Variants in SBNO2 observed in about 807,000 individuals in gnomAD.
The protein encoded by SBNO2 is protein strawberry notch homolog 2.
In SBNO2, 89 loss-of-function variants were observed where a neutral mutation model predicts 146.3. The ratio of observed to expected loss-of-function variants is 0.61; its 90% CI spans 0.51 to 0.73. The LOEUF (loss-of-function observed/expected upper bound fraction) is 0.73. SBNO2 is among the 30% of genes least tolerant of loss of function. SBNO2 has a pLI of 0.00. For synonymous variants in SBNO2, 1,147 were observed against 892.6 expected, an observed-to-expected ratio of 1.29 and a Z score of -5.08; for missense variants, 2,092 against 2,003.7, an observed-to-expected ratio of 1.04 and a Z score of -0.84.
rs569804662 is a variant in SBNO2, at chr19:1,139,687, C to T, written c.279+7622G>A. Among the ~76,000 whole-genome samples, 14 of 151,150 alleles carry T rather than the reference C, an allele frequency of 9.3e-5. 1 individual carries two copies. The highest frequency in any genetic ancestry group is 2.6e-4 in the Admixed American group (4 of 15,200). On this transcript the variant is annotated intron_variant, in intron 4 of 31. Transcript: ENST00000361757. ...GCGCACACCTGTAATCCCAGCTACT[C>T]GGGAGGCTGAGGCAGGAGAATCACT...
chr19:1,111,397 G>A lies in SBNO2; in HGVS notation c.2809+109C>T, dbSNP rs1206632651. On this transcript the variant is annotated intron_variant, in intron 24 of 31. Transcript: ENST00000361757. ...CCTCTCTGTCCGTGTGTGGGGAGGGGTCACTCAACACACAACCGGCCTACA... is the reference window on the plus strand; with the variant it reads ...CCTCTCTGTCCGTGTGTGGGGAGGGATCACTCAACACACAACCGGCCTACA... 3.9e-5 allele frequency: 31 copies of A among 798,002 alleles called. 1 individual carries two copies. Among genetic ancestry groups the A allele is most frequent in the Middle Eastern group, 3.4e-4 (1 of 2,976 alleles). The allele number at this position is 798,002 out of a possible 1,614,324, so 49.4% of individuals were successfully genotyped here. A position where few individuals can be genotyped will look rare whatever the true frequency, so the allele number is the denominator to read the frequency against.
Position 1,108,393 on chromosome 19 carries a change from T to G in SBNO2, c.3928A>C (p.Ile1310Leu), listed in dbSNP as rs1442159383. 2 of 1,284,236 alleles carry G rather than the reference T, an allele frequency of 1.6e-6. No homozygotes were observed. Among genetic ancestry groups the G allele is most frequent in the Non-Finnish European group, 2.0e-6 (2 of 1,009,810 alleles). The allele number at this position is 1,284,236 out of a possible 1,614,324, so 79.6% of individuals were successfully genotyped here. The change falls in exon 32 of 32, where the codon ATC becomes CTC. Residue 1310 changes from isoleucine (I) to leucine (L), a missense_variant. Physicochemically the swap from Ile to Leu is conservative, Grantham distance 5 (BLOSUM62 2). Coordinates refer to ENST00000361757, the MANE Select transcript of SBNO2 (RefSeq NM_014963.3). ...PAALAHQGCD[I>L]NFKEVLEDML... ...TCCTCCAGCACCTCCTTGAAGTTGA[T>G]GTCGCAGCCCTGGTGCGCGAGGGCC... is the stretch of plus-strand genomic sequence containing the variant.
Position 1,111,568 on chromosome 19 carries a change from T to C in SBNO2, c.2747A>G (p.Gln916Arg), listed in dbSNP as rs1568554092. The C allele has an allele frequency of 6.3e-6, 10 of 1,597,738 alleles. No individual in the cohort carries two copies. The highest frequency in any genetic ancestry group is 2.3e-5 in the South Asian group (2 of 88,040). Reference protein sequence around the residue: ...LHCVLTTILSQTENKVPVPQG... With the variant: ...LHCVLTTILSRTENKVPVPQG... Reference sequence around the variant, plus strand: ...GGGCACAGGCACTTTGTTCTCAGTCTGGCTCAGGATGGTGGTGAGGACACA... The same window carrying C: ...GGGCACAGGCACTTTGTTCTCAGTCCGGCTCAGGATGGTGGTGAGGACACA... Residue 916 changes from glutamine (Q) to arginine (R), a missense_variant, in exon 24 of 32, where the codon CAG becomes CGG. Transcript: ENST00000361757.
At chr19:1,132,660 C>A (rs1276307002) in intron 4 of SBNO2, among the ~76,000 whole-genome samples, 1 of 152,240 alleles carries the variant, frequency 6.6e-6, no homozygotes, top group Non-Finnish European at 1.5e-5. Context: ...GGCCCTGCTG[C>A]GCCCCCCTGG....
At chr19:1,122,605 C>A in intron 9 of SBNO2, 47 bp from the exon 10 acceptor site, 1 of 1,478,776 alleles carries the variant, frequency 6.8e-7, no homozygotes, top group South Asian at 1.2e-5. Flanking sequence ...CCCTCGCCCC[C>A]CGCTTCCGCC....
In SBNO2 at chr19:1,131,963, T is replaced by C. The variant is rs927238077; in HGVS notation, c.280-4198A>G. On this transcript the variant is annotated intron_variant, in intron 4 of 31. Transcript: ENST00000361757. ...GCGGGGTGGGGATTTTTTTAGATCC[T>C]GGCGGCCTCGGACTCTAGGATGAGA... 5.1e-6 allele frequency: 3 copies of C among 583,960 alleles called. No individual in the cohort carries two copies. In the Admixed American group the frequency reaches 1.2e-4, roughly 24 times the overall value. The allele number at this position is 583,960 out of a possible 1,614,324, so 36.2% of individuals were successfully genotyped here.
At chr19:1,122,338 C>T in intron 10 of SBNO2, 56 bp from the exon 11 acceptor site, 2 of 1,516,752 alleles carry the variant, frequency 1.3e-6, no homozygotes, top group Non-Finnish European at 1.8e-6. Flanking sequence ...GGCTCTGGAC[C>T]TGGGTCTCCC....
At chr19:1,155,227 G>C (rs1014868023) in intron 1 of SBNO2, 1 of 152,256 alleles carries the variant, frequency 6.6e-6, no homozygotes, top group Non-Finnish European at 1.5e-5. Context: ...AGAAATCTCC[G>C]GGACTTCCAG....
rs2080315025 is a variant in SBNO2 at position 1,158,661 on chromosome 19, T to C, written c.-126-4259A>G. ...GGGCGAGCGGGCGCGACCGTGGTGA[T>C]GGAGCCCGGCAGAGGCCACCGCACA... On this transcript the variant is annotated intron_variant, in intron 1 of 31. Coordinates refer to ENST00000361757, the MANE Select transcript of SBNO2 (RefSeq NM_014963.3). The surrounding 1 kb of genome is among the most constrained non-coding windows in gnomAD (Gnocchi z 9.9). Among the ~76,000 whole-genome samples, 1 of 152,150 alleles carries C rather than the reference T, an allele frequency of 6.6e-6. No individual in the cohort carries two copies. Among genetic ancestry groups the C allele is most frequent in the Non-Finnish European group, 1.5e-5 (1 of 68,014 alleles).
At chr19:1,145,405 G>A (rs1201774840) in intron 4 of SBNO2, among the ~76,000 whole-genome samples, 10 of 151,386 alleles carry the variant, frequency 6.6e-5, no homozygotes, top group East Asian at 1.9e-4. Context: ...CCTGGGAAGC[G>A]GAGGTTGCAG....
At chr19:1,166,045 T>TCCCAGAC (rs1568648031) in intron 1 of SBNO2, among the ~76,000 whole-genome samples, 18 of 958 alleles carry the variant, frequency 0.019, 8 homozygotes, top group Admixed American at 0.065. Context: ...AGACCCCAGA[T>TCCCAGAC]CCCAGATCCC....
chr19:1,146,081 C>T (rs2080186893), intron 4 of SBNO2, among the ~76,000 whole-genome samples: 1 of 152,322 alleles, frequency 6.6e-6, no homozygotes. Flanking sequence ...GCCCCGGCCT[C>T]CAGCGTGGCG....
rs12610007 is a variant in SBNO2, at chr19:1,120,193, G to C, written c.1150-170C>G. 3.0e-3 allele frequency: 1,832 copies of C among 603,684 alleles called. 9 individuals are homozygous for C. Among genetic ancestry groups the C allele is most frequent in the Non-Finnish European group, 4.3e-3 (1,476 of 339,452 alleles). The allele number at this position is 603,684 out of a possible 1,614,324, so 37.4% of individuals were successfully genotyped here. A position where few individuals can be genotyped will look rare whatever the true frequency, so the allele number is the denominator to read the frequency against. On this transcript the variant is annotated intron_variant, in intron 11 of 31. Coordinates refer to ENST00000361757, the MANE Select transcript of SBNO2 (RefSeq NM_014963.3). ...GTGGCAGCCGGCTACCATGGGGGGC[G>C]GGCGGGCAGGCGGCCCCCACACGAC...
intron 4 of SBNO2, chr19:1,132,347 G>T: frequency 1.6e-6 from 2 of 1,241,640 alleles, no homozygotes; most frequent in Non-Finnish European, 2.1e-6. Flanking sequence ...TGCCGGCCCC[G>T]TAAGTCAGGG....
chr19:1,110,097 C>G lies in SBNO2; in HGVS notation c.3029-320G>C, dbSNP rs2079737648. Among the ~76,000 whole-genome samples the G allele has an allele frequency of 6.6e-6, 1 of 151,344 alleles. No individual in the cohort carries two copies. The highest frequency in any genetic ancestry group is 1.5e-5 in the Non-Finnish European group (1 of 67,766). ...GGGCCGCTCAGATCCTAGGTAACCC[C>G]AAGCAGGCTGTGAGGAGATTGTAGG... On this transcript the variant is annotated intron_variant, in intron 26 of 31. Coordinates refer to ENST00000361757, the MANE Select transcript of SBNO2 (RefSeq NM_014963.3). This position sits in a 1 kb window ranked among gnomAD's most constrained non-coding sequence, Gnocchi z 4.9.
chr19:1,139,635 A>C (rs1325439329), intron 4 of SBNO2, among the ~76,000 whole-genome samples: 2 of 152,092 alleles, frequency 1.3e-5, no homozygotes, highest in African/African-American at 4.8e-5. Flanking sequence ...TCTCTACTAA[A>C]AATACAAAAA....
At chr19:1,170,746 C>T (rs922262017) in intron 1 of SBNO2, among the ~76,000 whole-genome samples, 1 of 151,980 alleles carries the variant, frequency 6.6e-6, no homozygotes, top group Non-Finnish European at 1.5e-5. Flanking sequence ...ACACACACAA[C>T]GGACACGTGC....
At chr19:1,117,054 G>T (rs951988152) in intron 15 of SBNO2, 128 bp from the exon 16 acceptor site, 5 of 923,406 alleles carry the variant, frequency 5.4e-6, no homozygotes, top group East Asian at 2.7e-5. Flanking sequence ...CCCAGGAGGG[G>T]CCACGGCCCC....
chr19:1,113,473 G>T, intron 19 of SBNO2, 62 bp downstream of exon 19: 3 of 1,394,922 alleles, frequency 2.2e-6, no homozygotes, highest in South Asian at 1.3e-5. Flanking sequence ...CACAGCCTGC[G>T]TGAAGCCCCA....
Sources: allele counts gnomAD v4.1 joint callset (sites outside exome capture counted in the v4.1 genomes callset), GRCh38; gene constraint gnomAD v4.1.1; non-coding constraint Gnocchi (gnomAD v3.1); transcripts MANE v1.5; gene names NCBI Gene and HGNC (gene_info 2026-07-23, HGNC 2026-07-21).